GPR158: variants seen among roughly 807,000 people sequenced by gnomAD.
GPR158 encodes G protein-coupled receptor 158, also known as metabotropic glycine receptor.
In GPR158, 30 loss-of-function variants were observed where a neutral mutation model predicts 78.2. That is an observed-to-expected ratio of 0.38 (90% confidence interval 0.29 to 0.52). GPR158 has a LOEUF of 0.52. Among genes scored for constraint, GPR158 ranks in the 20% least tolerant of loss-of-function variants. GPR158 has a pLI of 0.83. For missense variants in GPR158, 1,463 were observed against 1,523.5 expected (o/e 0.96, Z 0.66); for synonymous variants, 581 against 591.1 (o/e 0.98, Z 0.25).
intron 6 of GPR158, among the ~76,000 whole-genome samples, chr10:25,568,769 A>G (rs777251359): frequency 7.9e-5 from 12 of 152,196 alleles, no homozygotes; most frequent in Admixed American, 4.6e-4. Context: ...TACACTTTAT[A>G]TATGCCTTTT....
At chr10:25,254,745 A>G (rs1853869271) in intron 2 of GPR158, among the ~76,000 whole-genome samples, 1 of 152,186 alleles carries the variant, frequency 6.6e-6, no homozygotes, top group African/African-American at 2.4e-5. Flanking sequence ...GTGATTGGAG[A>G]CTGAAACTTC....
At chr10:25,297,390 G>A (rs1854530818) in intron 2 of GPR158, among the ~76,000 whole-genome samples, 1 of 152,000 alleles carries the variant, frequency 6.6e-6, no homozygotes, top group African/African-American at 2.4e-5. Context: ...CAATACATAA[G>A]CAAATGAGTG....
chr10:25,333,213 G>A (rs895738878), intron 2 of GPR158, among the ~76,000 whole-genome samples: 11 of 152,112 alleles, frequency 7.2e-5, no homozygotes, highest in Non-Finnish European at 1.5e-4. Flanking sequence ...AACAAAACAA[G>A]AGGCTTAGTA....
intron 1 of GPR158, among the ~76,000 whole-genome samples, chr10:25,195,175 CATTTT>C (rs1852827386): frequency 2.6e-5 from 4 of 151,248 alleles, no homozygotes. Context: ...CCCAAGGAGT[CATTTT>C]ATTTCTAAGA....
chr10:25,376,520 G>A (rs1773631), intron 2 of GPR158, among the ~76,000 whole-genome samples: 121,576 of 151,452 alleles, frequency 0.8, 49,768 homozygotes, highest in Non-Finnish European at 0.86. Context: ...CTTACTATAC[G>A]TAATTGTCAG....
At chr10:25,430,346 T>A (rs1284401761) in intron 4 of GPR158, among the ~76,000 whole-genome samples, 1 of 150,532 alleles carries the variant, frequency 6.6e-6, no homozygotes, top group Non-Finnish European at 1.5e-5. Context: ...AAACCACTGC[T>A]CAATGAAATA....
At chr10:25,499,710 CAAAAG>C (rs1456360966) in intron 5 of GPR158, among the ~76,000 whole-genome samples, 2 of 152,118 alleles carry the variant, frequency 1.3e-5, no homozygotes, top group Non-Finnish European at 2.9e-5. Flanking sequence ...TGACATGTGA[CAAAAG>C]AAATAAATGA....
intron 6 of GPR158, among the ~76,000 whole-genome samples, chr10:25,565,437 G>A (rs1016357679): frequency 1.3e-5 from 2 of 152,164 alleles, no homozygotes; most frequent in East Asian, 1.9e-4. Context: ...TCAAAGGTAC[G>A]AGCATCCAGA....
At chr10:25,370,317 T>A (rs28854504) in intron 2 of GPR158, among the ~76,000 whole-genome samples, 3 of 147,534 alleles carry the variant, frequency 2.0e-5, no homozygotes, top group African/African-American at 7.6e-5. Context: ...TGCTATAAAT[T>A]TCCCTCTACA....
At chr10:25,584,310 T>C (rs1837240851) in intron 7 of GPR158, among the ~76,000 whole-genome samples, 1 of 152,240 alleles carries the variant, frequency 6.6e-6, no homozygotes, top group African/African-American at 2.4e-5. Context: ...AGTCTGAAGT[T>C]AATTATACGA....
rs1404337637 is a variant in GPR158 at position 25,175,175 on chromosome 10, C to A, written c.-246C>A. The A allele has an allele frequency of 4.4e-6, 2 of 451,192 alleles. No individual in the cohort carries two copies. The highest frequency in any genetic ancestry group is 3.9e-6 in the Non-Finnish European group (1 of 254,922). 27.9% of individuals were successfully genotyped at this position (451,192 alleles called of 1,614,324 possible). On this transcript the variant is annotated 5_prime_UTR_variant, in exon 1 of 11. Coordinates refer to ENST00000376351, the MANE Select transcript of GPR158 (RefSeq NM_020752.3). The surrounding 1 kb of genome is among the most constrained non-coding windows in gnomAD (Gnocchi z 6.4). ...GGCTCCAGGCTGCGAGGTGCGTAAT[C>A]CCCAGCCGGCCCCTCGCGCAGCGGG...
chr10:25,259,294 C>T (rs887756643), intron 2 of GPR158, among the ~76,000 whole-genome samples: 1 of 152,174 alleles, frequency 6.6e-6, no homozygotes, highest in African/African-American at 2.4e-5. Flanking sequence ...AATCAGGAAT[C>T]TCTCTAGATT....
intron 5 of GPR158, among the ~76,000 whole-genome samples, chr10:25,543,090 T>C (rs964751799): frequency 6.6e-6 from 1 of 152,144 alleles, no homozygotes; most frequent in Admixed American, 6.6e-5. Flanking sequence ...TGGAGGGCTG[T>C]TTCTACCACA....
rs1231033240 is a variant in GPR158, at chr10:25,431,252, G to A, written c.1335+18779G>A. 1.8e-5 allele frequency among the ~76,000 whole-genome samples: 2 copies of A among 111,396 alleles called. 1 individual carries two copies. The highest frequency in any genetic ancestry group is 6.3e-5 in the African/African-American group (2 of 31,662). 73.1% of individuals were successfully genotyped at this position (111,396 alleles called of 152,430 possible). On this transcript the variant is annotated intron_variant, in intron 4 of 10. Coordinates refer to ENST00000376351, the MANE Select transcript of GPR158 (RefSeq NM_020752.3). ...ACATTTATGCAGCCAAAAAACACAT[G>A]AAAAAATGCTCATCATCACTGGCCA...
In GPR158 at chr10:25,241,311, T is replaced by TTTCTTTTCTCTTCTC. The variant is rs1554787218; in HGVS notation, c.1008+20158_1008+20159insTTTCTCTTCTCTTCT. 1.0e-3 allele frequency among the ~76,000 whole-genome samples: 107 copies of TTTCTTTTCTCTTCTC among 104,526 alleles called. 2 individuals are homozygous for TTTCTTTTCTCTTCTC. Among genetic ancestry groups the TTTCTTTTCTCTTCTC allele is most frequent in the Admixed American group, 3.8e-3 (37 of 9,690 alleles). The allele number at this position is 104,526 out of a possible 152,430, so 68.6% of individuals were successfully genotyped here. On this transcript the variant is annotated intron_variant, in intron 2 of 10. Coordinates refer to ENST00000376351, the MANE Select transcript of GPR158 (RefSeq NM_020752.3). ...TTTCTTTTCTTTTCTTTTCTTTTCTTTTCTCTTCTCTTCTCTTCTCTTCTC... is the reference window on the plus strand; with the variant it reads ...TTTCTTTTCTTTTCTTTTCTTTTCTTTTCTTTTCTCTTCTCTTCTCTTCTCTTCTCTTCTCTTCTC...
At chr10:25,243,299 T>G (rs1286959943) in intron 2 of GPR158, among the ~76,000 whole-genome samples, 3 of 152,062 alleles carry the variant, frequency 2.0e-5, no homozygotes, top group Non-Finnish European at 4.4e-5. Context: ...ACCTCACTGG[T>G]CATCAATAGA....
intron 5 of GPR158, among the ~76,000 whole-genome samples, chr10:25,526,223 A>C (rs566658566): frequency 6.6e-6 from 1 of 151,722 alleles, no homozygotes; most frequent in East Asian, 2.0e-4. Flanking sequence ...AAACACAATT[A>C]TTTGAAAAAA....
At chr10:25,418,728 C>T in intron 4 of GPR158, among the ~76,000 whole-genome samples, 1 of 147,598 alleles carries the variant, frequency 6.8e-6, no homozygotes, top group Non-Finnish European at 1.5e-5. Context: ...ACAAGGTACA[C>T]TGGAAGGAAC....
At chr10:25,370,440 A>C (rs201715978) in intron 2 of GPR158, among the ~76,000 whole-genome samples, 5,695 of 33,818 alleles carry the variant, frequency 0.17, 1,091 homozygotes, top group Non-Finnish European at 0.21. Context: ...GTAGTCATTC[A>C]GGATCAGGTT....
Sources: gnomAD v4.1 joint callset for allele counts (sites outside exome capture counted in the v4.1 genomes callset) on GRCh38, gnomAD v4.1.1 for gene constraint, Gnocchi (gnomAD v3.1) non-coding constraint, MANE v1.5 for transcripts, NCBI Gene and HGNC (gene_info 2026-07-23, HGNC 2026-07-21) for gene names.